CNTNAP2: variants seen among roughly 807,000 people sequenced by gnomAD.
CNTNAP2 encodes the protein contactin associated protein 2, also known as contactin-associated protein-like 2.
In CNTNAP2, 98 loss-of-function variants were observed where a neutral mutation model predicts 155.2. The observed-to-expected ratio is 0.63, with a 90% confidence interval of 0.54 to 0.75. CNTNAP2 has a LOEUF of 0.75. CNTNAP2 is among the 30% of genes least tolerant of loss of function. The pLI, the probability that CNTNAP2 is intolerant of heterozygous loss-of-function variation, is 0.00. For synonymous variants in CNTNAP2, 651 were observed against 631.2 expected, an observed-to-expected ratio of 1.03 and a Z score of -0.47; for missense variants, 1,727 against 1,688.1, an observed-to-expected ratio of 1.02 and a Z score of -0.40.
chr7:147,608,394 G>T (rs1801113673), intron 12 of CNTNAP2, among the ~76,000 whole-genome samples: 2 of 151,386 alleles, frequency 1.3e-5, no homozygotes. Flanking sequence ...TTTTCTAAGT[G>T]TTTTTTTTAA....
chr7:146,170,607 T>G (rs1453752196), intron 1 of CNTNAP2, among the ~76,000 whole-genome samples: 2 of 152,056 alleles, frequency 1.3e-5, no homozygotes, highest in Admixed American at 1.3e-4. Context: ...TATGAAAATA[T>G]TAAGAAAACT....
At chr7:146,575,635 T>C (rs2129146860) in intron 1 of CNTNAP2, among the ~76,000 whole-genome samples, 1 of 152,318 alleles carries the variant, frequency 6.6e-6, no homozygotes, top group African/African-American at 2.4e-5. Flanking sequence ...GGAATTTTAA[T>C]ACTGGTGGAA....
Position 146,698,214 on chromosome 7 carries a change from C to CA in CNTNAP2, c.98-76049dup, listed in dbSNP as rs1482258785. On this transcript the variant is annotated intron_variant, in intron 1 of 23. Coordinates refer to ENST00000361727, the MANE Select transcript of CNTNAP2 (RefSeq NM_014141.6). ...ATTTTATGTTGTATCCTCTAAGAAC[C>CA]AAAAAAAATTATTTTACCTTCATTT... Among the ~76,000 whole-genome samples, 355 of 151,362 alleles carry CA rather than the reference C, an allele frequency of 2.3e-3. 2 individuals are homozygous for CA. Among genetic ancestry groups the CA allele is most frequent in the African/African-American group, 8.3e-3 (343 of 41,364 alleles).
At chr7:148,149,601 A>G (rs1269827380) in intron 17 of CNTNAP2, among the ~76,000 whole-genome samples, 4 of 151,984 alleles carry the variant, frequency 2.6e-5, no homozygotes, top group African/African-American at 9.7e-5. Flanking sequence ...CTGGAGTGCA[A>G]TGGTGTGTTC....
intron 9 of CNTNAP2, among the ~76,000 whole-genome samples, chr7:147,311,092 C>T (rs1000617341): frequency 2.6e-5 from 4 of 151,988 alleles, no homozygotes; most frequent in Non-Finnish European, 4.4e-5. Flanking sequence ...CTCTCAAGGG[C>T]GGGGAGTTCT....
chr7:148,277,575 G>T (rs1454868456), intron 21 of CNTNAP2, among the ~76,000 whole-genome samples: 1 of 147,410 alleles, frequency 6.8e-6, no homozygotes, highest in Non-Finnish European at 1.5e-5. Flanking sequence ...GCTGCCCCAT[G>T]TTAGTACAGG....
At chr7:147,888,597 G>A (rs1799635849) in intron 13 of CNTNAP2, among the ~76,000 whole-genome samples, 1 of 151,730 alleles carries the variant, frequency 6.6e-6, no homozygotes, top group Non-Finnish European at 1.5e-5. Context: ...TCAGATTAAG[G>A]CATCATAGTG....
chr7:146,962,073 C>T (rs1797567130), intron 3 of CNTNAP2, among the ~76,000 whole-genome samples: 1 of 152,138 alleles, frequency 6.6e-6, no homozygotes, highest in African/African-American at 2.4e-5. Flanking sequence ...CATATTTCTC[C>T]TAGATTTTAT....
chr7:148,389,930 C>G (rs1315987084), intron 22 of CNTNAP2: 1 of 152,026 alleles, frequency 6.6e-6, no homozygotes, highest in East Asian at 1.9e-4. Flanking sequence ...CAAATCAGAC[C>G]CTCGGGGGGA....
intron 8 of CNTNAP2, among the ~76,000 whole-genome samples, chr7:147,273,271 T>C (rs1465003110): frequency 6.6e-6 from 1 of 152,224 alleles, no homozygotes; most frequent in Non-Finnish European, 1.5e-5. Context: ...GTGGTATTGA[T>C]ATTACTGTTT....
intron 13 of CNTNAP2, among the ~76,000 whole-genome samples, chr7:147,666,709 C>A (rs1795702287): frequency 6.6e-6 from 1 of 152,126 alleles, no homozygotes; most frequent in Non-Finnish European, 1.5e-5. Context: ...TCATCACGGT[C>A]CTTAATCATC....
At chr7:147,669,699 T>C (rs1391624298) in intron 13 of CNTNAP2, among the ~76,000 whole-genome samples, 9 of 152,188 alleles carry the variant, frequency 5.9e-5, no homozygotes, top group Non-Finnish European at 2.9e-5. Flanking sequence ...CTCATCTGCA[T>C]GCTCAATTCC....
chr7:148,075,266 G>A (rs1215889848), intron 15 of CNTNAP2, among the ~76,000 whole-genome samples: 3 of 152,032 alleles, frequency 2.0e-5, no homozygotes, highest in Non-Finnish European at 2.9e-5. Flanking sequence ...GTGAAACCCC[G>A]TCTCTACTAA....
chr7:146,817,938 TA>T (rs909060210), intron 2 of CNTNAP2, among the ~76,000 whole-genome samples: 2 of 152,140 alleles, frequency 1.3e-5, no homozygotes, highest in Admixed American at 6.5e-5. Context: ...AGAAATTTGT[TA>T]AAAAAAGAAT....
At position 148,326,864 on chromosome 7, in the gene CNTNAP2, C is replaced by CAA. The variant is rs200129283; in HGVS notation, c.3476-56770_3476-56769dup. ...TGAGCGACAGAGCGAGACCCCGTCT[C>CAA]AAAAAAAAAAAAAAAATAGAGCAAA... On this transcript the variant is annotated intron_variant, in intron 21 of 23. Coordinates refer to ENST00000361727, the MANE Select transcript of CNTNAP2 (RefSeq NM_014141.6). 1.9e-3 allele frequency among the ~76,000 whole-genome samples: 245 copies of CAA among 129,032 alleles called. 1 individual carries two copies. In the East Asian group the frequency reaches 0.024, roughly 12 times the overall value. 84.7% of individuals were successfully genotyped at this position (129,032 alleles called of 152,430 possible).
intron 11 of CNTNAP2, among the ~76,000 whole-genome samples, chr7:147,491,297 C>A (rs899061716): frequency 2.0e-5 from 3 of 151,988 alleles, no homozygotes; most frequent in African/African-American, 7.3e-5. Flanking sequence ...CACTCTCATA[C>A]CCTTGCCCCT....
chr7:147,298,225 T>G (rs977213166), intron 8 of CNTNAP2, among the ~76,000 whole-genome samples: 2 of 151,988 alleles, frequency 1.3e-5, no homozygotes, highest in Non-Finnish European at 2.9e-5. Context: ...GGTCAGGAGT[T>G]CAGGACCAGC....
intron 1 of CNTNAP2, among the ~76,000 whole-genome samples, chr7:146,415,790 C>G (rs1187353641): frequency 6.6e-6 from 1 of 151,932 alleles, no homozygotes; most frequent in Non-Finnish European, 1.5e-5. Context: ...TAAAAAATTA[C>G]AAGTGATATT....
At chr7:146,326,179 C>G (rs979784316) in intron 1 of CNTNAP2, among the ~76,000 whole-genome samples, 2 of 152,160 alleles carry the variant, frequency 1.3e-5, no homozygotes, top group African/African-American at 2.4e-5. Context: ...CACACGCATA[C>G]ACATACACAT....
Sources: allele counts gnomAD v4.1 joint callset (sites outside exome capture counted in the v4.1 genomes callset), GRCh38; gene constraint gnomAD v4.1.1; transcripts MANE v1.5; gene names NCBI Gene and HGNC (gene_info 2026-07-23, HGNC 2026-07-21).